Variants in OR1I1 observed in about 807,000 individuals in gnomAD.
The protein encoded by OR1I1 is olfactory receptor 1I1.
For missense variants in OR1I1, 451 were observed against 443.6 expected (o/e 1.02, Z -0.15); for synonymous variants, 171 against 181.4 (o/e 0.94, Z 0.46).
chr19:15,083,215 A>G (rs955633565), intron 1 of OR1I1, among the ~76,000 whole-genome samples: 1 of 146,422 alleles, frequency 6.8e-6, no homozygotes, highest in South Asian at 2.3e-4. Flanking sequence ...AGCTGGGACT[A>G]TGGAAGCATG....
rs570768023 is a variant in OR1I1, at chr19:15,092,145, T to C, written c.*4012T>C. On this transcript the variant is annotated 3_prime_UTR_variant, in exon 2 of 2. Transcript: ENST00000641398. ...TTGTTTTTTTTTTTTCCCCGGAAAC[T>C]TGTATTCTAGCTGTGAACTGGCCCA... 1 of 124,210 alleles carries C rather than the reference T, an allele frequency of 8.1e-6. No individual in the cohort carries two copies. The highest frequency in any genetic ancestry group is 2.8e-5 in the African/African-American group (1 of 35,172). 7.7% of individuals were successfully genotyped at this position (124,210 alleles called of 1,614,324 possible).
rs2046254184 is a variant in OR1I1 at position 15,090,971 on chromosome 19, A to G, written c.*2838A>G. 1 of 152,228 alleles carries G rather than the reference A, an allele frequency of 6.6e-6. No homozygotes were observed. The highest frequency in any genetic ancestry group is 6.5e-5 in the Admixed American group (1 of 15,272). The allele number at this position is 152,228 out of a possible 1,614,324, so 9.4% of individuals were successfully genotyped here. A position where few individuals can be genotyped will look rare whatever the true frequency, so the allele number is the denominator to read the frequency against. On this transcript the variant is annotated 3_prime_UTR_variant, in exon 2 of 2. Transcript: ENST00000641398. ...AATGTCAGCAACCTACAAAACCTACAAAGTGTCCCAGTACATCCTCTCAAG... is the reference window on the plus strand; with the variant it reads ...AATGTCAGCAACCTACAAAACCTACGAAGTGTCCCAGTACATCCTCTCAAG...
At chr19:15,085,176 A>ATATGT (rs1555717400) in intron 1 of OR1I1, among the ~76,000 whole-genome samples, 3 of 80,126 alleles carry the variant, frequency 3.7e-5, no homozygotes, top group East Asian at 4.8e-4. Context: ...ATATATATAT[A>ATATGT]TTTTTTTTTT....
rs758130377 is a variant in OR1I1, at chr19:15,087,714, T to C, written c.649T>C (p.Ser217Pro). The part of the protein sequence containing the change: ...GTSPFSCILL[S>P]YIRIFWTVFK... The stretch of plus-strand genomic sequence containing the variant: ...CAGCCCATTCTCCTGCATCCTTCTC[T>C]CGTACATCCGCATTTTCTGGACAGT... Residue 217 changes from serine (S) to proline (P), a missense_variant, in exon 2 of 2, where the codon TCG (serine) becomes CCG (proline). By Grantham distance (74) the Ser-to-Pro change is moderately conservative (BLOSUM62 -1). Coordinates refer to ENST00000641398, the MANE Select transcript of OR1I1 (RefSeq NM_001004713.2). 1.2e-5 allele frequency: 20 copies of C among 1,614,208 alleles called. 1 individual carries two copies. In the South Asian group the frequency reaches 2.2e-4, roughly 18 times the overall value.
Position 15,089,998 on chromosome 19 carries a change from A to C in OR1I1, c.*1865A>C, listed in dbSNP as rs2046250362. 6.6e-6 allele frequency: 1 copy of C among 152,012 alleles called. No homozygotes were observed. Among genetic ancestry groups the C allele is most frequent in the Non-Finnish European group, 1.5e-5 (1 of 68,038 alleles). The allele number at this position is 152,012 out of a possible 1,614,324, so 9.4% of individuals were successfully genotyped here. A position where few individuals can be genotyped will look rare whatever the true frequency, so the allele number is the denominator to read the frequency against. ...TGATACGACTGGCGTCCTTATGAAAAGGGGAGATTTGGACACAGGCACCCA... is the reference window on the plus strand; with the variant it reads ...TGATACGACTGGCGTCCTTATGAAACGGGGAGATTTGGACACAGGCACCCA... On this transcript the variant is annotated 3_prime_UTR_variant, in exon 2 of 2. Transcript: ENST00000641398.
At chr19:15,082,887 G>A (rs544653271) in intron 1 of OR1I1, among the ~76,000 whole-genome samples, 15 of 152,068 alleles carry the variant, frequency 9.9e-5, no homozygotes, top group Middle Eastern at 3.4e-3. Context: ...ATAGCTCATC[G>A]CAGCCTCGAC....
At chr19:15,085,484 T>C (rs1179861865) in intron 1 of OR1I1, among the ~76,000 whole-genome samples, 1 of 151,802 alleles carries the variant, frequency 6.6e-6, no homozygotes, top group African/African-American at 2.4e-5. Flanking sequence ...ACTTATGACA[T>C]TTTCAATGTA....
chr19:15,088,979 A>AGATAGATAGATC lies in OR1I1; in HGVS notation c.*849_*850insAGATAGATCGAT, dbSNP rs1418040236. On this transcript the variant is annotated 3_prime_UTR_variant, in exon 2 of 2. Transcript: ENST00000641398. Reference sequence around the variant, plus strand: ...TAGATAGATAGATAGATAGATAGATAGATGAGATAGGTAGGTAGGTCAGTC... The same window carrying AGATAGATAGATC: ...TAGATAGATAGATAGATAGATAGATAGATAGATAGATCGATGAGATAGGTAGGTAGGTCAGTC... 1 of 151,708 alleles carries AGATAGATAGATC rather than the reference A, an allele frequency of 6.6e-6. No homozygotes were observed. The highest frequency in any genetic ancestry group is 1.5e-5 in the Non-Finnish European group (1 of 67,930). 9.4% of individuals were successfully genotyped at this position (151,708 alleles called of 1,614,324 possible). A position where few individuals can be genotyped will look rare whatever the true frequency, so the allele number is the denominator to read the frequency against.
chr19:15,087,636 G>C lies in OR1I1; in HGVS notation c.571G>C (p.Asp191His). ...GCCCCTGCTGAAGCTCTCCGGCTCA[G>C]ACACGCACACCAACGAGCTGGTGAT... ...LMPLLKLSGSDTHTNELVIFA... is the reference protein window; with the variant it reads ...LMPLLKLSGSHTHTNELVIFA... The change falls in exon 2 of 2, where the codon GAC becomes CAC. Residue 191 changes from aspartate (D) to histidine (H), a missense_variant. Coordinates refer to ENST00000641398, the MANE Select transcript of OR1I1 (RefSeq NM_001004713.2). 1.2e-6 allele frequency: 2 copies of C among 1,614,166 alleles called. No homozygotes were observed. The highest frequency in any genetic ancestry group is 1.7e-6 in the Non-Finnish European group (2 of 1,180,046).
chr19:15,087,408 C>T lies in OR1I1; in HGVS notation c.343C>T (p.Leu115=), dbSNP rs1447756850. ...HLFGTMDSFL[L]AVMAIDRFVA... is the part of the protein sequence containing the mutation. ...GTTCGGGACCATGGACAGCTTTCTC[C>T]TGGCAGTAATGGCCATCGACCGCTT... Residue 115 remains leucine, a synonymous_variant, in exon 2 of 2, where the codon CTG becomes TTG. Transcript: ENST00000641398. 13 of 1,614,110 alleles carry T rather than the reference C, an allele frequency of 8.1e-6. No homozygotes were observed. Among genetic ancestry groups the T allele is most frequent in the Non-Finnish European group, 1.0e-5 (12 of 1,180,052 alleles).
rs2046223421 is a variant in OR1I1 at position 15,085,133 on chromosome 19, TATATA to T, written c.-13-1919_-13-1915del. Among the ~76,000 whole-genome samples, 21 of 11,150 alleles carry T rather than the reference TATATA, an allele frequency of 1.9e-3. 3 individuals carry two copies. The highest frequency in any genetic ancestry group is 0.016 in the East Asian group (6 of 378). 7.3% of individuals were successfully genotyped at this position (11,150 alleles called of 152,430 possible). A position where few individuals can be genotyped will look rare whatever the true frequency, so the allele number is the denominator to read the frequency against. On this transcript the variant is annotated intron_variant, in intron 1 of 1. Transcript: ENST00000641398. ...GTATGTTCAATGCATTTTTGACTTA[TATATA>T]TATATATATATATATATATATATAT...
intron 1 of OR1I1, among the ~76,000 whole-genome samples, chr19:15,082,607 T>C (rs2046213771): frequency 6.6e-6 from 1 of 152,026 alleles, no homozygotes; most frequent in African/African-American, 2.4e-5. Context: ...CCTGCACAGA[T>C]AGGAGAGGTC....
intron 1 of OR1I1, among the ~76,000 whole-genome samples, chr19:15,084,246 T>C (rs918797050): frequency 1.8e-4 from 28 of 152,110 alleles, no homozygotes; most frequent in Non-Finnish European, 3.4e-4. Context: ...TGGGAGTTAT[T>C]GTAAGACCTA....
chr19:15,082,786 C>T (rs374462415), intron 1 of OR1I1, among the ~76,000 whole-genome samples: 11 of 92,686 alleles, frequency 1.2e-4, no homozygotes, highest in African/African-American at 4.6e-4. Flanking sequence ...GGGGAGGGGG[C>T]GGGGGGATTG....
Position 15,082,271 on chromosome 19 carries a change from T to C in OR1I1, c.-19T>C, listed in dbSNP as rs1039730749. On this transcript the variant is annotated 5_prime_UTR_variant, in exon 1 of 2. Transcript: ENST00000641398. ...ATAGACATCAGGCTAACCCCAGCGA[T>C]CACAGGTGAGTAGCCCCCATGCCCT... 1 of 152,160 alleles carries C rather than the reference T, an allele frequency of 6.6e-6. No individual in the cohort carries two copies. Among genetic ancestry groups the C allele is most frequent in the South Asian group, 2.1e-4 (1 of 4,826 alleles). 9.4% of individuals were successfully genotyped at this position (152,160 alleles called of 1,614,324 possible).
chr19:15,082,531 A>G (rs1385894846), intron 1 of OR1I1, among the ~76,000 whole-genome samples: 1 of 152,150 alleles, frequency 6.6e-6, no homozygotes, highest in East Asian at 1.9e-4. Context: ...CAAAGCACGC[A>G]GACGGCAGAC....
intron 1 of OR1I1, among the ~76,000 whole-genome samples, chr19:15,084,333 G>A (rs1321732045): frequency 6.6e-6 from 1 of 152,136 alleles, no homozygotes; most frequent in Non-Finnish European, 1.5e-5. Flanking sequence ...ATCAAGCCGG[G>A]CAGATGATGA....
At position 15,092,156 on chromosome 19, in the gene OR1I1, C is replaced by T. The variant is rs914827848; in HGVS notation, c.*4023C>T. 8.2e-6 allele frequency: 1 copy of T among 122,552 alleles called. No homozygotes were observed. Among genetic ancestry groups the T allele is most frequent in the African/African-American group, 3.4e-5 (1 of 29,824 alleles). The allele number at this position is 122,552 out of a possible 1,614,324, so 7.6% of individuals were successfully genotyped here. A position where few individuals can be genotyped will look rare whatever the true frequency, so the allele number is the denominator to read the frequency against. On this transcript the variant is annotated 3_prime_UTR_variant, in exon 2 of 2. Transcript: ENST00000641398. Reference sequence around the variant, plus strand: ...TTTTCCCCGGAAACTTGTATTCTAGCTGTGAACTGGCCCAGGTCCATGGCC... The same window carrying T: ...TTTTCCCCGGAAACTTGTATTCTAGTTGTGAACTGGCCCAGGTCCATGGCC...
rs372348714 is a variant in OR1I1, at chr19:15,087,887, C to A, written c.822C>A (p.Ala274=). Reference sequence around the variant, plus strand: ...GCTCCTCCCAGAAGGACAAGGCAGCCGCCCTAATGTGTGGGGTGTTCATCC... The same window carrying A: ...GCTCCTCCCAGAAGGACAAGGCAGCAGCCCTAATGTGTGGGGTGTTCATCC... ...SPSSSQKDKA[A]ALMCGVFIPM... Residue 274 remains alanine (A), a synonymous_variant, in exon 2 of 2, where the codon GCC becomes GCA. Coordinates refer to ENST00000641398, the MANE Select transcript of OR1I1 (RefSeq NM_001004713.2). The A allele has an allele frequency of 1.2e-6, 2 of 1,614,206 alleles. No individual in the cohort carries two copies. The highest frequency in any genetic ancestry group is 2.2e-5 in the East Asian group (1 of 44,882).
Sources: allele counts gnomAD v4.1 joint callset (sites outside exome capture counted in the v4.1 genomes callset), GRCh38; gene constraint gnomAD v4.1.1; transcripts MANE v1.5; gene names NCBI Gene and HGNC (gene_info 2026-07-23, HGNC 2026-07-21).